Variants in KIAA1217 observed in about 807,000 individuals in gnomAD.
The protein encoded by KIAA1217 is sickle tail protein homolog.
KIAA1217 carries 88 observed loss-of-function variants against 163.9 expected under a neutral mutation model. The ratio of observed to expected loss-of-function variants is 0.54; its 90% CI spans 0.45 to 0.64. The LOEUF (loss-of-function observed/expected upper bound fraction) is 0.64, where lower values mean the gene tolerates loss of function less well. Ranked by LOEUF, KIAA1217 falls within the 30% of genes least tolerant of loss-of-function variation. KIAA1217 has a pLI of 0.00. For missense variants in KIAA1217, 2,372 were observed against 2,475.0 expected (o/e 0.96, Z 0.88); for synonymous variants, 903 against 923.1 (o/e 0.98, Z 0.39).
At chr10:24,496,219 T>A (rs1457324926) in intron 8 of KIAA1217, among the ~76,000 whole-genome samples, 1 of 152,244 alleles carries the variant, frequency 6.6e-6, no homozygotes, top group Non-Finnish European at 1.5e-5. Context: ...ACAATTTAGC[T>A]ACAAAGCCAA....
rs80307451 is a variant in KIAA1217, at chr10:24,475,912, A to G, written c.1679+1852A>G. On this transcript the variant is annotated intron_variant, in intron 6 of 20. Coordinates refer to ENST00000376454, the MANE Select transcript of KIAA1217 (RefSeq NM_019590.5). ...AATGGTATGTTGCTGAGGGGATGGA[A>G]CTTACGGGAGCAAGAATTTAGACCA... Among the ~76,000 whole-genome samples, 98 of 152,274 alleles carry G rather than the reference A, an allele frequency of 6.4e-4. 2 individuals are homozygous for G. The East Asian group carries it at 0.017, about 27-fold the overall frequency.
At chr10:24,015,543 G>T (rs888684201) in intron 2 of KIAA1217, among the ~76,000 whole-genome samples, 1 of 151,940 alleles carries the variant, frequency 6.6e-6, no homozygotes, top group South Asian at 2.1e-4. Context: ...ATCACCTGAG[G>T]TCAAGAGTTC....
intron 2 of KIAA1217, among the ~76,000 whole-genome samples, chr10:24,072,215 T>TG (rs540816595): frequency 5.9e-5 from 9 of 151,920 alleles, no homozygotes; most frequent in East Asian, 3.9e-4. Flanking sequence ...TTTGTAGAGA[T>TG]GGGGGTCTCA....
intron 1 of KIAA1217, among the ~76,000 whole-genome samples, chr10:23,875,676 T>C (rs1269156313): frequency 6.6e-6 from 1 of 152,014 alleles, no homozygotes; most frequent in Non-Finnish European, 1.5e-5. Context: ...CTATTCACAA[T>C]AGCAAAGACT....
intron 1 of KIAA1217, among the ~76,000 whole-genome samples, chr10:23,957,114 G>A (rs1038501325): frequency 1.3e-5 from 2 of 152,066 alleles, no homozygotes; most frequent in Non-Finnish European, 2.9e-5. Flanking sequence ...ATTCTGTGAC[G>A]GCTCCATTGA....
At chr10:24,234,461 C>T (rs898534860) in intron 2 of KIAA1217, among the ~76,000 whole-genome samples, 4 of 151,752 alleles carry the variant, frequency 2.6e-5, no homozygotes, top group Admixed American at 2.0e-4. Flanking sequence ...GTCAGGAGTT[C>T]GAGACCAGCC....
chr10:24,308,970 A>G (rs1407581343), intron 2 of KIAA1217, among the ~76,000 whole-genome samples: 3 of 151,992 alleles, frequency 2.0e-5, no homozygotes, highest in African/African-American at 7.2e-5. Flanking sequence ...TAAAATTTCA[A>G]AAATTAGCTA....
At chr10:24,475,175 C>T (rs1212679323) in intron 6 of KIAA1217, among the ~76,000 whole-genome samples, 1 of 152,122 alleles carries the variant, frequency 6.6e-6, no homozygotes, top group Non-Finnish European at 1.5e-5. Context: ...GCCAAGATCG[C>T]ACCATCACAC....
chr10:24,064,458 T>C (rs1198092308), intron 2 of KIAA1217, among the ~76,000 whole-genome samples: 1 of 152,216 alleles, frequency 6.6e-6, no homozygotes, highest in South Asian at 2.1e-4. Context: ...GATTTGCATA[T>C]GTTGAACCAG....
intron 1 of KIAA1217, among the ~76,000 whole-genome samples, chr10:23,948,380 G>C (rs1024417939): frequency 3.3e-5 from 5 of 152,154 alleles, no homozygotes; most frequent in African/African-American, 1.2e-4. Context: ...CTGCTTACCA[G>C]GGTTTCAAAT....
intron 2 of KIAA1217, among the ~76,000 whole-genome samples, chr10:24,304,731 T>G (rs2041811521): frequency 6.6e-6 from 1 of 152,078 alleles, no homozygotes. Context: ...ACCTGTTTGA[T>G]GATGGTAAAA....
Position 23,841,053 on chromosome 10 carries a change from C to T in KIAA1217, c.-321+145819C>T, listed in dbSNP as rs78731590. Among the ~76,000 whole-genome samples the T allele has an allele frequency of 6.6e-3, 1,004 of 152,246 alleles. 38 individuals are homozygous for T. The highest frequency in any genetic ancestry group is 0.046 in the Admixed American group (700 of 15,280). On this transcript the variant is annotated intron_variant, in intron 1 of 18. Coordinates refer to the KIAA1217 transcript ENST00000376462. ...AATGTTGGATTGGGAATGATATGTACTCCATAAAGTTGATATGAATATTAA... is the reference window on the plus strand; with the variant it reads ...AATGTTGGATTGGGAATGATATGTATTCCATAAAGTTGATATGAATATTAA...
At chr10:24,332,684 T>C (rs1349536501) in intron 2 of KIAA1217, among the ~76,000 whole-genome samples, 1 of 152,314 alleles carries the variant, frequency 6.6e-6, no homozygotes, top group East Asian at 1.9e-4. Context: ...GATTACTTTT[T>C]GCTGTACAGC....
chr10:23,899,184 C>G (rs1054368899), intron 1 of KIAA1217, among the ~76,000 whole-genome samples: 2 of 152,092 alleles, frequency 1.3e-5, no homozygotes, highest in Non-Finnish European at 2.9e-5. Context: ...AAGAGTTTTT[C>G]TAAAGCATAA....
chr10:24,089,216 C>A (rs1312450358), intron 2 of KIAA1217, among the ~76,000 whole-genome samples: 2 of 124,682 alleles, frequency 1.6e-5, no homozygotes, highest in African/African-American at 5.0e-5. Flanking sequence ...GATGAGTAGA[C>A]TGCAAAAATT....
intron 6 of KIAA1217, among the ~76,000 whole-genome samples, chr10:24,486,961 A>C (rs2065481296): frequency 6.6e-6 from 1 of 152,178 alleles, no homozygotes. Flanking sequence ...AATAAATGTC[A>C]GTTGGATTAA....
chr10:24,129,085 G>A (rs886724667), intron 2 of KIAA1217, among the ~76,000 whole-genome samples: 2 of 152,320 alleles, frequency 1.3e-5, no homozygotes, highest in African/African-American at 4.8e-5. Context: ...AATGCTGGAA[G>A]TGGGCCATAT....
At chr10:24,366,450 C>A (rs2050796650) in intron 2 of KIAA1217, among the ~76,000 whole-genome samples, 1 of 151,958 alleles carries the variant, frequency 6.6e-6, no homozygotes, top group African/African-American at 2.4e-5. Flanking sequence ...GTGTCAAAAA[C>A]TAAAAATAAA....
At chr10:23,940,844 C>T (rs1159398581) in intron 1 of KIAA1217, among the ~76,000 whole-genome samples, 1 of 152,170 alleles carries the variant, frequency 6.6e-6, no homozygotes, top group Non-Finnish European at 1.5e-5. Context: ...CTGAATAATC[C>T]ATCATCAAAG....
Sources: allele counts gnomAD v4.1 joint callset (sites outside exome capture counted in the v4.1 genomes callset), GRCh38; gene constraint gnomAD v4.1.1; transcripts MANE v1.5; gene names NCBI Gene and HGNC (gene_info 2026-07-23, HGNC 2026-07-21).